The following PADI2 variants were observed in gnomAD, a reference collection of about 807,000 sequenced individuals.
PADI2 encodes the protein peptidyl arginine deiminase 2, also known as protein-arginine deiminase type-2.
PADI2 carries 70 observed loss-of-function variants against 81.1 expected under a neutral mutation model. The observed-to-expected ratio is 0.86, with a 90% CI of 0.71 to 1.05. PADI2 has a LOEUF of 1.05. Ranked by LOEUF, PADI2 falls within the 50% of genes least tolerant of loss-of-function variation. The probability of loss-of-function intolerance (pLI) is 0.00; values close to 1 mark genes in which losing one functional copy is unlikely to be tolerated. For missense variants in PADI2, 853 were observed against 889.9 expected (o/e 0.96, Z 0.53); for synonymous variants, 338 against 358.0 (o/e 0.94, Z 0.63).
chr1:17,118,841 T>G (rs1057172396), intron 1 of PADI2, among the ~76,000 whole-genome samples: 1 of 151,846 alleles, frequency 6.6e-6, no homozygotes, highest in Non-Finnish European at 1.5e-5. Context: ...CCCCGGCAAG[T>G]CTCCGCGGAA....
rs1002779310 is a variant in PADI2 at position 17,111,030 on chromosome 1, G to T, written c.93-5969C>A. Reference sequence around the variant, plus strand: ...CAGGCACAGTTCTAGGCATTGAGGGGTAGATTAGTGAAAAAGCAAACACAT... The same window carrying T: ...CAGGCACAGTTCTAGGCATTGAGGGTTAGATTAGTGAAAAAGCAAACACAT... On this transcript the variant is annotated intron_variant, in intron 1 of 15. Coordinates refer to ENST00000375486, the MANE Select transcript of PADI2 (RefSeq NM_007365.3). Among the ~76,000 whole-genome samples the T allele has an allele frequency of 2.6e-5, 4 of 151,256 alleles. No individual in the cohort carries two copies. In the South Asian group the frequency reaches 6.3e-4, roughly 24 times the overall value.
Position 17,068,580 on chromosome 1 carries a change from C to T in PADI2, c.*464G>A, listed in dbSNP as rs1374717729. 2.9e-5 allele frequency: 5 copies of T among 173,260 alleles called. No homozygotes were observed. The highest frequency in any genetic ancestry group is 5.0e-5 in the Non-Finnish European group (4 of 80,134). The allele number at this position is 173,260 out of a possible 1,614,324, so 10.7% of individuals were successfully genotyped here. On this transcript the variant is annotated 3_prime_UTR_variant, in exon 16 of 16. Transcript: ENST00000375486. Reference sequence around the variant, plus strand: ...CCTGAGGGAGATGTATTTGAAATGACGATGGCAGTTCAAGATACGTCTAGG... The same window carrying T: ...CCTGAGGGAGATGTATTTGAAATGATGATGGCAGTTCAAGATACGTCTAGG...
intron 6 of PADI2, among the ~76,000 whole-genome samples, chr1:17,088,642 C>T (rs1930551821): frequency 6.6e-6 from 1 of 152,052 alleles, no homozygotes; most frequent in South Asian, 2.1e-4. Context: ...GGTGCAGTAG[C>T]TCACGCCTGT....
At chr1:17,101,188 G>A (rs930350057) in intron 3 of PADI2, among the ~76,000 whole-genome samples, 5 of 152,088 alleles carry the variant, frequency 3.3e-5, no homozygotes, top group African/African-American at 9.7e-5. Context: ...CAGCCATGCC[G>A]CCAACTCTGA....
intron 6 of PADI2, among the ~76,000 whole-genome samples, chr1:17,090,955 G>C (rs1218052835): frequency 6.6e-6 from 1 of 152,006 alleles, no homozygotes; most frequent in Admixed American, 6.6e-5. Flanking sequence ...CGAGGTTGAG[G>C]TCCTGCTTGC....
chr1:17,097,795 T>C lies in PADI2; in HGVS notation c.350-1825A>G, dbSNP rs74372361. Among the ~76,000 whole-genome samples, 624 of 152,154 alleles carry C rather than the reference T, an allele frequency of 4.1e-3. 7 individuals are homozygous for C. Among genetic ancestry groups the C allele is most frequent in the Non-Finnish European group, 6.2e-3 (420 of 67,986 alleles). On this transcript the variant is annotated intron_variant, in intron 3 of 15. Coordinates refer to ENST00000375486, the MANE Select transcript of PADI2 (RefSeq NM_007365.3). The stretch of plus-strand genomic sequence containing the variant: ...GCCTGGGGTGCAGGGGCAGGAATAA[T>C]ACTGGTTTTGGTTCCTGGACCTTTG...
intron 1 of PADI2, among the ~76,000 whole-genome samples, chr1:17,111,738 A>C (rs1208374549): frequency 6.6e-6 from 1 of 152,190 alleles, no homozygotes; most frequent in Non-Finnish European, 1.5e-5. Context: ...ATTTCTAACA[A>C]GCTCCCAGGT....
At chr1:17,084,729 G>GA in intron 7 of PADI2, 27 bp from the exon 8 acceptor site, 1 of 1,440,806 alleles carries the variant, frequency 6.9e-7, no homozygotes, top group Admixed American at 2.1e-5. Context: ...AGGCGTGGGG[G>GA]ATCAAAAGGT....
chr1:17,091,833 T>C (rs1930710981), intron 6 of PADI2, among the ~76,000 whole-genome samples: 1 of 152,050 alleles, frequency 6.6e-6, no homozygotes, highest in Non-Finnish European at 1.5e-5. Context: ...GATTGTTGTG[T>C]TTACTGCAGA....
chr1:17,081,680 A>G (rs2078344792), intron 10 of PADI2, among the ~76,000 whole-genome samples: 1 of 152,248 alleles, frequency 6.6e-6, no homozygotes, highest in Admixed American at 6.5e-5. Flanking sequence ...TCAGGGCAGA[A>G]GAGTGCAGAC....
chr1:17,118,203 C>A (rs901338619), intron 1 of PADI2, among the ~76,000 whole-genome samples: 1 of 152,066 alleles, frequency 6.6e-6, no homozygotes, highest in Non-Finnish European at 1.5e-5. Flanking sequence ...GAGCCATAAA[C>A]CACGATGGTG....
At chr1:17,106,423 T>C (rs983761243) in intron 1 of PADI2, among the ~76,000 whole-genome samples, 3 of 151,310 alleles carry the variant, frequency 2.0e-5, no homozygotes, top group African/African-American at 7.3e-5. Context: ...GGTGAGGTCA[T>C]AGGGGCAGGC....
chr1:17,078,400 C>G (rs894665461), intron 11 of PADI2, among the ~76,000 whole-genome samples: 2 of 151,068 alleles, frequency 1.3e-5, no homozygotes, highest in African/African-American at 4.9e-5. Flanking sequence ...CGTGAGCCAC[C>G]GCACCAGGCC....
chr1:17,084,657 T>A lies in PADI2; in HGVS notation c.880A>T (p.Ile294Phe). The A allele has an allele frequency of 6.4e-7, 1 of 1,574,434 alleles. No homozygotes were observed. Among genetic ancestry groups the A allele is most frequent in the Non-Finnish European group, 8.6e-7 (1 of 1,159,922 alleles). The stretch of plus-strand genomic sequence containing the variant: ...TTGGGGGTCATGATCCACGGAGCAA[T>A]CCGGAATATCACGGTGTCCGTGAAG... ...PIFTDTVIFR[I>F]APWIMTPNIL... The change falls in exon 8 of 16, where the codon ATT (isoleucine) becomes TTT (phenylalanine). Residue 294 changes from isoleucine to phenylalanine, a missense_variant. Transcript: ENST00000375486.
chr1:17,086,992 G>GGATCCAAACCC (rs1930492007), intron 6 of PADI2, among the ~76,000 whole-genome samples: 1 of 152,162 alleles, frequency 6.6e-6, no homozygotes, highest in Admixed American at 6.5e-5. Context: ...ATTGCCAGCT[G>GGATCCAAACCC]AGCAGTTAGT....
intron 3 of PADI2, among the ~76,000 whole-genome samples, chr1:17,097,816 CT>C (rs1457444842): frequency 6.6e-6 from 1 of 152,102 alleles, no homozygotes; most frequent in Non-Finnish European, 1.5e-5. Flanking sequence ...GTTCCTGGAC[CT>C]TTGTGAACTT....
intron 10 of PADI2, among the ~76,000 whole-genome samples, chr1:17,080,533 C>T (rs76136670): frequency 1.8e-3 from 271 of 152,278 alleles, no homozygotes; most frequent in African/African-American, 6.3e-3. Context: ...TTGCTGTTGT[C>T]GGTCATGGAG....
intron 7 of PADI2, among the ~76,000 whole-genome samples, chr1:17,085,539 A>T (rs908676050): frequency 1.3e-5 from 2 of 152,176 alleles, no homozygotes; most frequent in Non-Finnish European, 2.9e-5. Context: ...TGTAAGTAGA[A>T]CTTCACAAGT....
chr1:17,079,607 C>T (rs1297285328), intron 10 of PADI2, among the ~76,000 whole-genome samples, 192 bp from the exon 11 acceptor site: 2 of 151,550 alleles, frequency 1.3e-5, no homozygotes, highest in African/African-American at 2.4e-5. Context: ...GTGAGCATCT[C>T]GGTGTAGTGT....
Sources: gnomAD v4.1 joint callset for allele counts (sites outside exome capture counted in the v4.1 genomes callset) on GRCh38, gnomAD v4.1.1 for gene constraint, MANE v1.5 for transcripts, NCBI Gene and HGNC (gene_info 2026-07-23, HGNC 2026-07-21) for gene names.